The following SREBF2 variants were observed in gnomAD, a reference collection of about 807,000 sequenced individuals.
SREBF2 encodes the protein sterol regulatory element binding transcription factor 2, also known as sterol regulatory element-binding protein 2.
SREBF2 carries 55 observed loss-of-function variants against 113.1 expected under a neutral mutation model. The observed-to-expected ratio is 0.49, with a 90% CI of 0.39 to 0.61. SREBF2 has a LOEUF of 0.61. Ranked by LOEUF, SREBF2 falls within the 20% of genes least tolerant of loss-of-function variation. SREBF2 has a pLI of 0.00. For synonymous variants in SREBF2, 593 were observed against 605.7 expected, an observed-to-expected ratio of 0.98 and a Z score of 0.31; for missense variants, 1,349 against 1,487.4, an observed-to-expected ratio of 0.91 and a Z score of 1.53.
chr22:41,859,927 G>A (rs1032681580), intron 1 of SREBF2, among the ~76,000 whole-genome samples: 5 of 137,720 alleles, frequency 3.6e-5, no homozygotes, highest in African/African-American at 8.2e-5. Context: ...TGCCTCAACC[G>A]CCCAAGTAGC....
intron 10 of SREBF2, among the ~76,000 whole-genome samples, chr22:41,884,237 G>A (rs1486799351): frequency 6.6e-6 from 1 of 152,188 alleles, no homozygotes; most frequent in African/African-American, 2.4e-5. Context: ...GCAGGCTCAA[G>A]CAATTCTTCT....
intron 1 of SREBF2, among the ~76,000 whole-genome samples, chr22:41,855,690 G>C (rs2148360115): frequency 6.6e-6 from 1 of 152,182 alleles, no homozygotes; most frequent in Non-Finnish European, 1.5e-5. Flanking sequence ...AGTCAAACAA[G>C]GTGATGGTTC....
At chr22:41,888,034 G>T (rs752042726) in intron 11 of SREBF2, among the ~76,000 whole-genome samples, 2 of 152,174 alleles carry the variant, frequency 1.3e-5, no homozygotes, top group African/African-American at 4.8e-5. Flanking sequence ...TTATTCTGGA[G>T]ATTACCCCTT....
intron 1 of SREBF2, among the ~76,000 whole-genome samples, chr22:41,852,833 G>T (rs2076944871): frequency 1.5e-5 from 2 of 135,594 alleles, no homozygotes; most frequent in Non-Finnish European, 3.0e-5. Flanking sequence ...TCAGCTCACT[G>T]CACCCTCCAC....
chr22:41,889,423 G>A (rs1279939559), intron 11 of SREBF2, among the ~76,000 whole-genome samples: 1 of 152,080 alleles, frequency 6.6e-6, no homozygotes, highest in Non-Finnish European at 1.5e-5. Context: ...CACCGCGCCT[G>A]GCCTCTGTTA....
intron 8 of SREBF2, 24 bp from the exon 9 acceptor site, chr22:41,877,918 C>G (rs906382679): frequency 1.2e-6 from 2 of 1,614,048 alleles, no homozygotes; most frequent in Middle Eastern, 1.6e-4. Flanking sequence ...TCCTAGCAGA[C>G]TCTGCTGAGA....
intron 3 of SREBF2, among the ~76,000 whole-genome samples, chr22:41,869,016 C>T (rs966066428): frequency 6.6e-6 from 1 of 152,260 alleles, no homozygotes; most frequent in African/African-American, 2.4e-5. Flanking sequence ...CTTACGTACA[C>T]ATGTAATGGG....
At chr22:41,867,813 GAA>G (rs527717029) in intron 2 of SREBF2, among the ~76,000 whole-genome samples, 12 of 144,818 alleles carry the variant, frequency 8.3e-5, no homozygotes, top group African/African-American at 3.0e-4. Flanking sequence ...ATCTTAAAAA[GAA>G]AAAAAAAAAT....
Position 41,868,650 on chromosome 22 carries a change from A to G in SREBF2, c.578A>G (p.Gln193Arg). ...PQVQSLVTSS[Q>R]VQPVTIQQQV... ...GTCCAAAGCCTGGTGACATCCTCCCAGGTACAGCCGGTCACCATTCAGCAG... is the reference window on the plus strand; with the variant it reads ...GTCCAAAGCCTGGTGACATCCTCCCGGGTACAGCCGGTCACCATTCAGCAG... The change falls in exon 3 of 19, where the codon CAG becomes CGG. Residue 193 changes from glutamine (Q) to arginine (R), a missense_variant. Physicochemically the swap from Gln to Arg is conservative, Grantham distance 43. Coordinates refer to ENST00000361204, the MANE Select transcript of SREBF2 (RefSeq NM_004599.4). The G allele has an allele frequency of 6.2e-7, 1 of 1,614,236 alleles. No homozygotes were observed. The highest frequency in any genetic ancestry group is 8.5e-7 in the Non-Finnish European group (1 of 1,180,046).
chr22:41,875,126 A>G (rs1364966296), intron 5 of SREBF2, among the ~76,000 whole-genome samples: 1 of 152,190 alleles, frequency 6.6e-6, no homozygotes, highest in Non-Finnish European at 1.5e-5. Context: ...ACGCGCTTTC[A>G]TTATCTCTGT....
At chr22:41,846,314 A>G (rs2076876372) in intron 1 of SREBF2, among the ~76,000 whole-genome samples, 2 of 152,194 alleles carry the variant, frequency 1.3e-5, no homozygotes, top group Admixed American at 1.3e-4. Flanking sequence ...GCTCCTGCTT[A>G]GTACTCCTCC....
intron 1 of SREBF2, among the ~76,000 whole-genome samples, chr22:41,841,800 T>C (rs2076832847): frequency 6.6e-6 from 1 of 152,254 alleles, no homozygotes; most frequent in Non-Finnish European, 1.5e-5. Flanking sequence ...CATATCACAG[T>C]GTTTTCACAT....
intron 1 of SREBF2, among the ~76,000 whole-genome samples, chr22:41,837,858 CAA>C (rs35054500): frequency 1.3e-3 from 129 of 102,918 alleles, no homozygotes; most frequent in South Asian, 5.6e-3. Flanking sequence ...GACTCTGTCT[CAA>C]AAAAAAAAAA....
intron 17 of SREBF2, among the ~76,000 whole-genome samples, chr22:41,903,713 T>A (rs1407615831): frequency 6.6e-6 from 1 of 152,234 alleles, no homozygotes; most frequent in Non-Finnish European, 1.5e-5. Flanking sequence ...TTTGTACCTG[T>A]ATTTTTTTCT....
intron 5 of SREBF2, among the ~76,000 whole-genome samples, chr22:41,875,117 C>T (rs570601460): frequency 2.0e-5 from 3 of 152,170 alleles, no homozygotes; most frequent in South Asian, 2.1e-4. Context: ...CTGTGATTCA[C>T]GCGCTTTCAT....
chr22:41,895,298 C>T (rs992999365), intron 13 of SREBF2, among the ~76,000 whole-genome samples: 5 of 152,018 alleles, frequency 3.3e-5, no homozygotes, highest in African/African-American at 1.2e-4. Flanking sequence ...TGCCACCATG[C>T]CCGGCTAATT....
At position 41,906,043 on chromosome 22, in the gene SREBF2, C is replaced by G. The variant is rs2077505930; in HGVS notation, c.*383C>G. On this transcript the variant is annotated 3_prime_UTR_variant, in exon 19 of 19. Coordinates refer to ENST00000361204, the MANE Select transcript of SREBF2 (RefSeq NM_004599.4). ...GGCTTTCTCTGGGGGACAGCAGTCT[C>G]TGAGCACCAGGGAGCAGTTGCCCTC... 3 of 476,070 alleles carry G rather than the reference C, an allele frequency of 6.3e-6. No individual in the cohort carries two copies. Among genetic ancestry groups the G allele is most frequent in the South Asian group, 4.6e-5 (3 of 64,702 alleles). The allele number at this position is 476,070 out of a possible 1,614,324, so 29.5% of individuals were successfully genotyped here. A position where few individuals can be genotyped will look rare whatever the true frequency, so the allele number is the denominator to read the frequency against.
intron 15 of SREBF2, chr22:41,899,440 CTG>C (rs2077445615): frequency 3.0e-6 from 3 of 997,510 alleles, no homozygotes; most frequent in East Asian, 1.0e-4. Context: ...CTAAGAGAAA[CTG>C]TAAAATGCTC....
intron 1 of SREBF2, among the ~76,000 whole-genome samples, chr22:41,836,825 T>G (rs1370197416): frequency 6.6e-6 from 1 of 152,048 alleles, no homozygotes; most frequent in Non-Finnish European, 1.5e-5. Flanking sequence ...TTCCTTTGTA[T>G]GTGTATGGTG....
Sources: allele counts gnomAD v4.1 joint callset (sites outside exome capture counted in the v4.1 genomes callset), GRCh38; gene constraint gnomAD v4.1.1; transcripts MANE v1.5; gene names NCBI Gene and HGNC (gene_info 2026-07-23, HGNC 2026-07-21).